FLI1: variants seen among roughly 807,000 people sequenced by gnomAD.
The protein encoded by FLI1 is Friend leukemia integration 1 transcription factor.
FLI1 carries 13 observed loss-of-function variants against 53.1 expected under a neutral mutation model. That is an observed-to-expected ratio of 0.24 (90% CI 0.16 to 0.39). The LOEUF (loss-of-function observed/expected upper bound fraction) is 0.39, where lower values mean the gene tolerates loss of function less well. Ranked by LOEUF, FLI1 falls within the 10% of genes least tolerant of loss-of-function variation. The pLI is 1.00. For synonymous variants in FLI1, 244 were observed against 236.7 expected (o/e 1.03, Z -0.28); for missense variants, 424 against 600.5 (o/e 0.71, Z 3.07).
chr11:128,768,399 C>T (rs1941429502), intron 3 of FLI1, 127 bp downstream of exon 3: 1 of 1,193,336 alleles, frequency 8.4e-7, no homozygotes, highest in Non-Finnish European at 1.2e-6. Context: ...AGCTGCACGC[C>T]AGCCGGGAGT....
chr11:128,711,335 A>G (rs1300049908), intron 1 of FLI1, among the ~76,000 whole-genome samples: 3 of 152,240 alleles, frequency 2.0e-5, no homozygotes, highest in Admixed American at 1.3e-4. Context: ...TGTTGTCCAC[A>G]TGGAGACTAA....
chr11:128,788,681 T>C (rs1278739023), intron 5 of FLI1, among the ~76,000 whole-genome samples: 1 of 152,186 alleles, frequency 6.6e-6, no homozygotes, highest in African/African-American at 2.4e-5. Context: ...AGAGAAGGTG[T>C]GGACCCAGCC....
At position 128,752,896 on chromosome 11, in the gene FLI1, C is replaced by T. The variant is rs116964374; in HGVS notation, c.19-5219C>T. On this transcript the variant is annotated intron_variant, in intron 1 of 8. Coordinates refer to ENST00000527786, the MANE Select transcript of FLI1 (RefSeq NM_002017.5). The stretch of plus-strand genomic sequence containing the variant: ...AACTGGAGGAGAAAAAGTATCCCAC[C>T]GGTTCAAGTGCATTACTGGTAGCAG... 4.3e-3 allele frequency among the ~76,000 whole-genome samples: 652 copies of T among 152,292 alleles called. 5 individuals carry two copies. Among genetic ancestry groups the T allele is most frequent in the Non-Finnish European group, 5.7e-3 (391 of 68,024 alleles).
At chr11:128,805,232 C>T (rs1942746803) in intron 5 of FLI1, 134 bp from the exon 6 acceptor site, 1 of 573,608 alleles carries the variant, frequency 1.7e-6, no homozygotes, top group East Asian at 3.1e-5. Flanking sequence ...GAGTACACTT[C>T]CAGAATTTAG....
At chr11:128,707,784 G>C (rs1209813106) in intron 1 of FLI1, among the ~76,000 whole-genome samples, 1 of 152,082 alleles carries the variant, frequency 6.6e-6, no homozygotes, top group African/African-American at 2.4e-5. Flanking sequence ...ACTCTTCTCT[G>C]CCCAGAGCAC....
intron 5 of FLI1, among the ~76,000 whole-genome samples, chr11:128,782,733 G>A (rs1941957812): frequency 6.6e-6 from 1 of 152,190 alleles, no homozygotes; most frequent in African/African-American, 2.4e-5. Context: ...CATTTTTAAA[G>A]TGGTGGCTTA....
intron 1 of FLI1, among the ~76,000 whole-genome samples, chr11:128,739,351 G>A (rs1210485744): frequency 2.6e-5 from 4 of 152,136 alleles, no homozygotes; most frequent in South Asian, 2.1e-4. Context: ...AAACAAGCCC[G>A]GAAAGGCTGA....
At chr11:128,726,692 C>G (rs966747821) in intron 1 of FLI1, among the ~76,000 whole-genome samples, 1 of 152,152 alleles carries the variant, frequency 6.6e-6, no homozygotes, top group Non-Finnish European at 1.5e-5. Flanking sequence ...ACAGAGGAGG[C>G]CAAGCCCCAG....
intron 3 of FLI1, among the ~76,000 whole-genome samples, chr11:128,771,049 G>A (rs1427021038): frequency 1.3e-5 from 2 of 152,278 alleles, no homozygotes; most frequent in Middle Eastern, 3.4e-3. Flanking sequence ...TGGAACCCCA[G>A]CCCAGATACT....
At chr11:128,704,674 G>T (rs568625811) in intron 1 of FLI1, among the ~76,000 whole-genome samples, 1 of 152,252 alleles carries the variant, frequency 6.6e-6, no homozygotes, top group Non-Finnish European at 1.5e-5. Flanking sequence ...TGTTAAAACA[G>T]GAAGTGGTGT....
chr11:128,689,292 C>T (rs1937645947), upstream of FLI1, among the ~76,000 whole-genome samples: 1 of 152,182 alleles, frequency 6.6e-6, no homozygotes, highest in African/African-American at 2.4e-5. Flanking sequence ...ACGATGCCCG[C>T]GGAGTGCAAA....
intron 2 of FLI1, 29 bp from the exon 3 acceptor site, chr11:128,768,089 C>T (rs773284021): frequency 2.5e-6 from 4 of 1,586,880 alleles, no homozygotes; most frequent in Non-Finnish European, 2.6e-6. Context: ...GTGCTGACCG[C>T]CTCTGGGCTT....
At chr11:128,693,941 C>CGAGAGAGAGAGA (rs57930585), upstream of FLI1, 66 of 176,662 alleles carry the variant, frequency 3.7e-4, no homozygotes, top group Middle Eastern at 1.4e-3. Context: ...GAGCTCGAGG[C>CGAGAGAGAGAGA]GAGAGAGAGA....
At chr11:128,748,327 G>A in intron 1 of FLI1, 1 of 894,390 alleles carries the variant, frequency 1.1e-6, no homozygotes, top group Non-Finnish European at 1.3e-6. Context: ...GAGGGGGAAT[G>A]ATGTTCAACA....
intron 1 of FLI1, among the ~76,000 whole-genome samples, chr11:128,701,418 G>T (rs1232271163): frequency 6.6e-6 from 1 of 152,116 alleles, no homozygotes. Context: ...CTGGGCCGCT[G>T]GTCTCAGTTA....
At chr11:128,717,841 G>T (rs1290595554) in intron 1 of FLI1, among the ~76,000 whole-genome samples, 1 of 152,212 alleles carries the variant, frequency 6.6e-6, no homozygotes, top group Non-Finnish European at 1.5e-5. Flanking sequence ...TTGCAGTTGG[G>T]TGTGGCTGAT....
In FLI1 at chr11:128,811,079, G is replaced by A. The variant is rs1942925921; in HGVS notation, c.*91G>A. On this transcript the variant is annotated 3_prime_UTR_variant, in exon 9 of 9. Coordinates refer to ENST00000527786, the MANE Select transcript of FLI1 (RefSeq NM_002017.5). ...CAACAGGACATATGTGGCCTTGAAG[G>A]GAAGACAAAACTGGATGTTCTTTCT... 8.2e-7 allele frequency: 1 copy of A among 1,216,610 alleles called. No homozygotes were observed. The highest frequency in any genetic ancestry group is 2.1e-5 in the Admixed American group (1 of 48,444). The allele number at this position is 1,216,610 out of a possible 1,614,324, so 75.4% of individuals were successfully genotyped here.
intron 1 of FLI1, among the ~76,000 whole-genome samples, chr11:128,713,459 C>T (rs1938872511): frequency 6.6e-6 from 1 of 152,110 alleles, no homozygotes; most frequent in Non-Finnish European, 1.5e-5. Context: ...GAGTTACTTG[C>T]TCCTTGAGGG....
intron 1 of FLI1, among the ~76,000 whole-genome samples, chr11:128,752,537 G>A (rs1463377026): frequency 6.6e-6 from 1 of 152,212 alleles, no homozygotes; most frequent in African/African-American, 2.4e-5. Context: ...TACACTTAAA[G>A]AGCTTATGGT....
Sources: gnomAD v4.1 joint callset for allele counts (sites outside exome capture counted in the v4.1 genomes callset) on GRCh38, gnomAD v4.1.1 for gene constraint, MANE v1.5 for transcripts, NCBI Gene and HGNC (gene_info 2026-07-23, HGNC 2026-07-21) for gene names.